FTH1: variants seen among roughly 807,000 people sequenced by gnomAD.
FTH1 encodes ferritin heavy chain.
FTH1 carries 3 observed loss-of-function variants against 21.8 expected under a neutral mutation model. The observed-to-expected ratio is 0.14, with a 90% CI of 0.06 to 0.36. The LOEUF (loss-of-function observed/expected upper bound fraction) is 0.36, where lower values mean the gene tolerates loss of function less well. Ranked by LOEUF, FTH1 falls within the 10% of genes least tolerant of loss-of-function variation. The pLI, the probability that FTH1 is intolerant of heterozygous loss-of-function variation, is 1.00. For missense variants in FTH1, 147 were observed against 225.8 expected (o/e 0.65, Z 2.24); for synonymous variants, 83 against 90.1 (o/e 0.92, Z 0.45).
intron 1 of FTH1, chr11:61,967,010 C>G (rs542244972): frequency 1.7e-4 from 38 of 224,000 alleles, no homozygotes; most frequent in Admixed American, 8.4e-4. Context: ...CAGGATTGAT[C>G]ACACAGGCTG....
In FTH1 at chr11:61,964,719, C is replaced by T. The variant is rs377371056; in HGVS notation, c.*8G>A. The T allele has an allele frequency of 5.0e-6, 8 of 1,597,804 alleles. No homozygotes were observed. In the Admixed American group the frequency reaches 8.3e-5, roughly 17 times the overall value. ...CACCCCACGGCTATGGGGAAATTAGCCCGAGGCTTAGCTTTCATTATCACT... is the reference window on the plus strand; with the variant it reads ...CACCCCACGGCTATGGGGAAATTAGTCCGAGGCTTAGCTTTCATTATCACT... On this transcript the variant is annotated 3_prime_UTR_variant, in exon 4 of 4. Coordinates refer to ENST00000273550, the MANE Select transcript of FTH1 (RefSeq NM_002032.3).
Position 61,965,294 on chromosome 11 carries a change from G to C in FTH1, c.261+75C>G, listed in dbSNP as rs1942426275. 6.2e-6 allele frequency: 10 copies of C among 1,600,634 alleles called. No homozygotes were observed. In the South Asian group the frequency reaches 9.9e-5, roughly 16 times the overall value. On this transcript the variant is annotated intron_variant, in intron 2 of 3. Transcript: ENST00000273550. ...GTATCATCACTTTATAAGGGCAATT[G>C]CTAGTTTAAGTGATTTCTGATACCC...
At position 61,964,795 on chromosome 11, in the gene FTH1, G is replaced by T. The variant is rs755879430; in HGVS notation, c.484C>A (p.Pro162Thr). 5 of 1,599,982 alleles carry T rather than the reference G, an allele frequency of 3.1e-6. No individual in the cohort carries two copies. Among genetic ancestry groups the T allele is most frequent in the Non-Finnish European group, 4.2e-6 (5 of 1,179,958 alleles). Residue 162 changes from proline (P) to threonine (T), a missense_variant, in exon 4 of 4, where the codon CCC becomes ACC. Transcript: ENST00000273550. ...AGATATTCCGCCAAGCCAGATTCGG[G>T]CGCTCCCATCTTGCGCAAGTTGGTC... The part of the protein sequence containing the change: ...HVTNLRKMGA[P>T]ESGLAEYLFD...
intron 1 of FTH1, among the ~76,000 whole-genome samples, chr11:61,966,135 G>A (rs1284239590): frequency 2.6e-5 from 4 of 152,146 alleles, no homozygotes; most frequent in African/African-American, 7.2e-5. Flanking sequence ...ATAGCTGGGC[G>A]TGGTGGCGTG....
In FTH1 at chr11:61,964,441, TAATA is replaced by T. The variant is rs1216662323; in HGVS notation, c.*282_*285del. On this transcript the variant is annotated 3_prime_UTR_variant, in exon 4 of 4. Transcript: ENST00000273550. ...AGTATACTGCCCAAACTAATGAGTT[TAATA>T]AATACAAATACTCGTTTCTTTTTGA... 2 of 616,046 alleles carry T rather than the reference TAATA, an allele frequency of 3.2e-6. No homozygotes were observed. The highest frequency in any genetic ancestry group is 5.6e-6 in the Non-Finnish European group (2 of 355,346). The allele number at this position is 616,046 out of a possible 1,614,324, so 38.2% of individuals were successfully genotyped here.
chr11:61,967,197 G>A lies in FTH1; in HGVS notation c.114+115C>T, dbSNP rs1005748632. ...AACCTCGAGCAGCCTCCATTTTCCA[G>A]AAGGGCGCAGGGAGGCGGGAGAGCC... On this transcript the variant is annotated intron_variant, in intron 1 of 3. Coordinates refer to ENST00000273550, the MANE Select transcript of FTH1 (RefSeq NM_002032.3). The A allele has an allele frequency of 1.2e-5, 6 of 517,656 alleles. No individual in the cohort carries two copies. In the Admixed American group the frequency reaches 2.7e-4, roughly 23 times the overall value. 32.1% of individuals were successfully genotyped at this position (517,656 alleles called of 1,614,324 possible).
chr11:61,967,252 A>C, intron 1 of FTH1, 60 bp downstream of exon 1: 2 of 1,103,054 alleles, frequency 1.8e-6, no homozygotes, highest in Middle Eastern at 3.0e-4. Flanking sequence ...GGCCCGCCCC[A>C]GCGCGCGCCC....
In FTH1 at chr11:61,967,604, C is replaced by A; in HGVS notation, c.-179G>T. On this transcript the variant is annotated 5_prime_UTR_variant, in exon 1 of 4. Transcript: ENST00000273550. ...GTCCAAGCACTGTTGAAGCAGGAAACCCCGACGACTCTCGGCGAAGAACGT... is the reference window on the plus strand; with the variant it reads ...GTCCAAGCACTGTTGAAGCAGGAAAACCCGACGACTCTCGGCGAAGAACGT... The A allele has an allele frequency of 1.5e-6, 1 of 675,664 alleles. No homozygotes were observed. The highest frequency in any genetic ancestry group is 2.7e-6 in the Non-Finnish European group (1 of 369,562). 41.9% of individuals were successfully genotyped at this position (675,664 alleles called of 1,614,324 possible).
At chr11:61,966,535 TAAGACC>T (rs951676117) in intron 1 of FTH1, among the ~76,000 whole-genome samples, 1 of 152,190 alleles carries the variant, frequency 6.6e-6, no homozygotes, top group African/African-American at 2.4e-5. Context: ...CGACACTGCC[TAAGACC>T]AAGATTTGGG....
chr11:61,966,461 T>C (rs775856188), intron 1 of FTH1, among the ~76,000 whole-genome samples: 2 of 152,194 alleles, frequency 1.3e-5, no homozygotes, highest in Non-Finnish European at 2.9e-5. Flanking sequence ...TCAAATCCAT[T>C]TGGAACACAT....
At chr11:61,967,231 G>GCCACACC (rs1942480469) in intron 1 of FTH1, 81 bp downstream of exon 1, 1 of 763,916 alleles carries the variant, frequency 1.3e-6, no homozygotes, top group Non-Finnish European at 1.9e-6. Context: ...CCCGCGGGTG[G>GCCACACC]CCACACCCCC....
chr11:61,965,635 G>A, intron 1 of FTH1, 120 bp from the exon 2 acceptor site: 7 of 1,065,594 alleles, frequency 6.6e-6, no homozygotes, highest in Non-Finnish European at 1.0e-5. Context: ...AGCACAGCAT[G>A]AAGGAATCAG....
At chr11:61,965,345 A>ACGTAT (rs759443253) in intron 2 of FTH1, 24 bp downstream of exon 2, 1 of 1,612,642 alleles carries the variant, frequency 6.2e-7, no homozygotes, top group South Asian at 1.1e-5. Context: ...ATGAAGTATG[A>ACGTAT]CACCCCTAGG....
At position 61,964,646 on chromosome 11, in the gene FTH1, G is replaced by A; in HGVS notation, c.*81C>T. The A allele has an allele frequency of 7.0e-7, 1 of 1,436,864 alleles. No homozygotes were observed. The highest frequency in any genetic ancestry group is 9.7e-7 in the Non-Finnish European group (1 of 1,034,856). 89.0% of individuals were successfully genotyped at this position (1,436,864 alleles called of 1,614,324 possible). ...TGTTTTGGTACAACTTATAGAAAAG[G>A]TAAAGGAAACCCCAACATGCATGCA... On this transcript the variant is annotated 3_prime_UTR_variant, in exon 4 of 4. Coordinates refer to ENST00000273550, the MANE Select transcript of FTH1 (RefSeq NM_002032.3).
intron 1 of FTH1, among the ~76,000 whole-genome samples, chr11:61,966,525 C>T (rs1942465685): frequency 6.6e-6 from 1 of 152,176 alleles, no homozygotes; most frequent in South Asian, 2.1e-4. Context: ...AAGACTCCCA[C>T]GACACTGCCT....
chr11:61,967,015 A>T, intron 1 of FTH1: 1 of 229,462 alleles, frequency 4.4e-6, no homozygotes, highest in Non-Finnish European at 8.3e-6. Context: ...TTGATCACAC[A>T]GGCTGGCAGT....
intron 1 of FTH1, 72 bp from the exon 2 acceptor site, chr11:61,965,587 G>T: frequency 6.5e-7 from 1 of 1,544,258 alleles, no homozygotes; most frequent in Non-Finnish European, 8.8e-7. Context: ...TCTACAGGGA[G>T]GCAAGATGGT....
Position 61,967,359 on chromosome 11 carries a change from G to A in FTH1, c.67C>T (p.Arg23Cys). Residue 23 changes from arginine (R) to cysteine (C), a missense_variant, in exon 1 of 4, where the codon CGC becomes TGC. Transcript: ENST00000273550. ...YHQDSEAAIN[R>C]QINLELYASY... Reference sequence around the variant, plus strand: ...GCGTAGAGCTCCAGGTTGATCTGGCGGTTGATGGCGGCCTCTGAGTCCTGG... The same window carrying A: ...GCGTAGAGCTCCAGGTTGATCTGGCAGTTGATGGCGGCCTCTGAGTCCTGG... 1.9e-6 allele frequency: 3 copies of A among 1,607,306 alleles called. No individual in the cohort carries two copies. Among genetic ancestry groups the A allele is most frequent in the Non-Finnish European group, 2.5e-6 (3 of 1,177,046 alleles).
Position 61,964,993 on chromosome 11 carries a change from G to A in FTH1, c.381C>T (p.Asp127=), listed in dbSNP as rs760127724. The A allele has an allele frequency of 1.9e-5, 30 of 1,613,926 alleles. No homozygotes were observed. Among genetic ancestry groups the A allele is most frequent in the African/African-American group, 4.0e-5 (3 of 74,904 alleles). The change falls in exon 3 of 4, where the codon GAC becomes GAT. Residue 127 remains aspartate (D), a synonymous_variant. Transcript: ENST00000273550. ...CTGGGGTTCCAATACTCACATGGGG[G>A]TCATTTTTGTCAGTGGCCAGTTTGT... ...ELHKLATDKN[D]PHLCDFIETH...
Sources: gnomAD v4.1 joint callset for allele counts (sites outside exome capture counted in the v4.1 genomes callset) on GRCh38, gnomAD v4.1.1 for gene constraint, MANE v1.5 for transcripts, NCBI Gene and HGNC (gene_info 2026-07-23, HGNC 2026-07-21) for gene names.